EFR3B: variants seen among roughly 807,000 people sequenced by gnomAD.
The protein encoded by EFR3B is EFR3 homolog B.
In EFR3B, 64 loss-of-function variants were observed where a neutral mutation model predicts 104.7. That is an observed-to-expected ratio of 0.61 (90% confidence interval 0.50 to 0.75). The LOEUF (loss-of-function observed/expected upper bound fraction) is 0.75. Among genes scored for constraint, EFR3B ranks in the 30% least tolerant of loss-of-function variants. The probability of loss-of-function intolerance (pLI) is 0.00; values close to 1 mark genes in which losing one functional copy is unlikely to be tolerated. For missense variants in EFR3B, 750 were observed against 1,078.5 expected, an observed-to-expected ratio of 0.70 and a Z score of 4.27; for synonymous variants, 385 against 417.9, an observed-to-expected ratio of 0.92 and a Z score of 0.96.
rs1336399055 is a variant in EFR3B, at chr2:25,154,524, G to A, written c.*184G>A. 16 of 580,154 alleles carry A rather than the reference G, an allele frequency of 2.8e-5. No homozygotes were observed. Among genetic ancestry groups the A allele is most frequent in the East Asian group, 1.2e-4 (4 of 33,842 alleles). The allele number at this position is 580,154 out of a possible 1,614,324, so 35.9% of individuals were successfully genotyped here. ...TTCTTGGCCCTCCTACCTCCTCCTCGTCTTCCCTGAGGGAGGTCTCACCAA... is the reference window on the plus strand; with the variant it reads ...TTCTTGGCCCTCCTACCTCCTCCTCATCTTCCCTGAGGGAGGTCTCACCAA... On this transcript the variant is annotated 3_prime_UTR_variant, in exon 23 of 23. Transcript: ENST00000403714. The surrounding 1 kb of genome is among the most constrained non-coding windows in gnomAD (Gnocchi z 4.1).
chr2:25,103,835 G>A, intron 4 of EFR3B, 48 bp downstream of exon 4: 1 of 1,547,294 alleles, frequency 6.5e-7, no homozygotes, highest in Non-Finnish European at 8.7e-7. Context: ...GCATCCTGGG[G>A]GGTGGCAGGG....
At chr2:25,117,982 A>C (rs1669907501) in intron 4 of EFR3B, among the ~76,000 whole-genome samples, 1 of 151,872 alleles carries the variant, frequency 6.6e-6, no homozygotes, top group Non-Finnish European at 1.5e-5. Context: ...ATTTAATTTT[A>C]ACTTAATTTT....
chr2:25,145,319 C>A, intron 19 of EFR3B: 4 of 526,882 alleles, frequency 7.6e-6, no homozygotes, highest in Non-Finnish European at 1.3e-5. Flanking sequence ...CACCTGTGAT[C>A]CCAACATTTT....
intron 16 of EFR3B, among the ~76,000 whole-genome samples, chr2:25,140,345 T>TAAAAC (rs1458267964): frequency 6.6e-6 from 1 of 151,882 alleles, no homozygotes; most frequent in Admixed American, 6.6e-5. Context: ...CAAAACAAAA[T>TAAAAC]AAAACAAAAC....
intron 1 of EFR3B, among the ~76,000 whole-genome samples, chr2:25,051,635 G>T (rs868706920): frequency 0.031 from 2,991 of 97,306 alleles, 54 homozygotes; most frequent in Non-Finnish European, 0.05. Context: ...GTGTGTGTGT[G>T]TGTTTTTTTT....
At chr2:25,064,810 T>C (rs1345366040) in intron 1 of EFR3B, among the ~76,000 whole-genome samples, 1 of 152,258 alleles carries the variant, frequency 6.6e-6, no homozygotes, top group Non-Finnish European at 1.5e-5. Flanking sequence ...TACAAAGCAC[T>C]TCCTTCCAAA....
chr2:25,136,941 CCTCCTCCCTCTGTAGCTATGT>C lies in EFR3B; in HGVS notation c.1560+361_1561-362del, dbSNP rs1358513191. Among the ~76,000 whole-genome samples, 4 of 152,150 alleles carry C rather than the reference CCTCCTCCCTCTGTAGCTATGT, an allele frequency of 2.6e-5. 1 individual carries two copies. Among genetic ancestry groups the C allele is most frequent in the South Asian group, 4.2e-4 (2 of 4,812 alleles). On this transcript the variant is annotated intron_variant, in intron 14 of 22. Coordinates refer to ENST00000403714, the MANE Select transcript of EFR3B (RefSeq NM_014971.2). This position sits in a 1 kb window ranked among gnomAD's most constrained non-coding sequence, Gnocchi z 4.0. ...GACCACTGACTGCCCTTGGAGCCTG[CCTCCTCCCTCTGTAGCTATGT>C]CTCCTCCCTCTGTAGCTCTGTCTCC...
rs575908950 is a variant in EFR3B, at chr2:25,122,028, G to A, written c.485+234G>A. Among the ~76,000 whole-genome samples the A allele has an allele frequency of 2.0e-3, 305 of 151,494 alleles. 1 individual carries two copies. The highest frequency in any genetic ancestry group is 6.8e-3 in the African/African-American group (281 of 41,268). ...GTTGCCCAGGCTAGAGTGCAGTGGC[G>A]CGATCTTGGCTAACTGCAACCTCCG... is the stretch of plus-strand genomic sequence containing the variant. On this transcript the variant is annotated intron_variant, in intron 5 of 22. Transcript: ENST00000403714.
chr2:25,079,983 G>A, intron 1 of EFR3B: 1 of 1,050,748 alleles, frequency 9.5e-7, no homozygotes, highest in Non-Finnish European at 1.5e-6. Context: ...GAACGTTCTA[G>A]CAGTTTCCTC....
chr2:25,079,953 G>A (rs376630735), intron 1 of EFR3B: 28 of 1,269,204 alleles, frequency 2.2e-5, no homozygotes, highest in Admixed American at 6.8e-5. Context: ...GGCTAAGTCC[G>A]CTGTTTCAGA....
intron 19 of EFR3B, among the ~76,000 whole-genome samples, chr2:25,148,795 G>A (rs1670919028): frequency 6.6e-6 from 1 of 151,004 alleles, no homozygotes; most frequent in Non-Finnish European, 1.5e-5. Context: ...AGTGGTGGGC[G>A]CCTGTAGTCC....
chr2:25,128,955 C>A (rs1296383268), intron 6 of EFR3B, among the ~76,000 whole-genome samples: 2 of 81,674 alleles, frequency 2.4e-5, no homozygotes, highest in African/African-American at 9.9e-5. Context: ...AGCGAGACTC[C>A]GTCTCAAAAA....
At chr2:25,061,529 T>C (rs1407264968) in intron 1 of EFR3B, among the ~76,000 whole-genome samples, 2 of 152,058 alleles carry the variant, frequency 1.3e-5, no homozygotes, top group Non-Finnish European at 2.9e-5. Context: ...AGTCTCCCTC[T>C]GTTGCCCAGG....
rs530412866 is a variant in EFR3B at position 25,045,108 on chromosome 2, G to T, written c.7+2789G>T. ...AGCTCCTGAAACTGGTTGCTCAAGA[G>T]CCTGTCCTCTTTGGGCCCCCTTGGA... On this transcript the variant is annotated intron_variant, in intron 1 of 22. Coordinates refer to ENST00000403714, the MANE Select transcript of EFR3B (RefSeq NM_014971.2). 3.9e-5 allele frequency among the ~76,000 whole-genome samples: 6 copies of T among 152,278 alleles called. No individual in the cohort carries two copies. In the East Asian group the frequency reaches 1.2e-3, roughly 29 times the overall value.
chr2:25,095,054 G>T (rs535691386), intron 3 of EFR3B, among the ~76,000 whole-genome samples: 76 of 152,304 alleles, frequency 5.0e-4, no homozygotes, highest in South Asian at 2.3e-3. Flanking sequence ...GCCTGCCAAA[G>T]TGTTGGGATT....
intron 4 of EFR3B, among the ~76,000 whole-genome samples, chr2:25,105,750 C>T (rs1471311517): frequency 6.6e-6 from 1 of 152,166 alleles, no homozygotes; most frequent in Non-Finnish European, 1.5e-5. Flanking sequence ...GAACCAGCCA[C>T]CATGCATCCC....
chr2:25,081,992 C>T lies in EFR3B; in HGVS notation c.8-9333C>T, dbSNP rs573201905. Among the ~76,000 whole-genome samples, 3 of 152,282 alleles carry T rather than the reference C, an allele frequency of 2.0e-5. No individual in the cohort carries two copies. In the East Asian group the frequency reaches 5.8e-4, roughly 29 times the overall value. On this transcript the variant is annotated intron_variant, in intron 1 of 22. Coordinates refer to ENST00000403714, the MANE Select transcript of EFR3B (RefSeq NM_014971.2). ...TGATCAAGGGGACAGCTCAGTCAGG[C>T]AAACAGGATCCAGCAAGCAGGCCAA... is the stretch of plus-strand genomic sequence containing the variant.
Position 25,156,650 on chromosome 2 carries a change from C to T in EFR3B, c.*2310C>T, listed in dbSNP as rs62143038. 0.011 allele frequency: 1,686 copies of T among 152,274 alleles called. 11 individuals carry two copies. The highest frequency in any genetic ancestry group is 0.019 in the Non-Finnish European group (1,286 of 68,042). The allele number at this position is 152,274 out of a possible 1,614,324, so 9.4% of individuals were successfully genotyped here. On this transcript the variant is annotated 3_prime_UTR_variant, in exon 23 of 23. Coordinates refer to ENST00000403714, the MANE Select transcript of EFR3B (RefSeq NM_014971.2). ...AGGGCAGGGCCCAGGCATGGAGGCT[C>T]CTGCACCCCCAAGGCTTTTTGGCTG...
At chr2:25,127,467 AGTGGTAGTGGTG>A (rs1670199973) in intron 5 of EFR3B, among the ~76,000 whole-genome samples, 2 of 152,226 alleles carry the variant, frequency 1.3e-5, no homozygotes, top group African/African-American at 2.4e-5. Flanking sequence ...CAAAGATAAC[AGTGGTAGTGGTG>A]GTGGTAGTGG....
Sources: gnomAD v4.1 joint callset for allele counts (sites outside exome capture counted in the v4.1 genomes callset) on GRCh38, gnomAD v4.1.1 for gene constraint, Gnocchi (gnomAD v3.1) non-coding constraint, MANE v1.5 for transcripts, NCBI Gene and HGNC (gene_info 2026-07-23, HGNC 2026-07-21) for gene names.